RPTOR: variants seen among roughly 807,000 people sequenced by gnomAD.
The protein encoded by RPTOR is regulatory-associated protein of mTOR.
Under a neutral mutation model 169.9 loss-of-function variants are expected in RPTOR, and 21 were observed. The observed-to-expected ratio is 0.12, with a 90% CI of 0.09 to 0.18. The LOEUF (loss-of-function observed/expected upper bound fraction) is 0.18, where lower values mean the gene tolerates loss of function less well. Ranked by LOEUF, RPTOR falls within the 10% of genes least tolerant of loss-of-function variation. RPTOR has a pLI of 1.00. For missense variants in RPTOR, 1,133 were observed against 1,855.9 expected, an observed-to-expected ratio of 0.61 and a Z score of 7.16; for synonymous variants, 732 against 753.2, an observed-to-expected ratio of 0.97 and a Z score of 0.46.
intron 6 of RPTOR, among the ~76,000 whole-genome samples, chr17:80,785,527 A>G (rs1482534855): frequency 6.6e-6 from 1 of 152,158 alleles, no homozygotes; most frequent in Non-Finnish European, 1.5e-5. Context: ...CAGGTTCCCG[A>G]CTGGTGAGTG....
intron 2 of RPTOR, among the ~76,000 whole-genome samples, chr17:80,634,377 T>TGTGCATACTGTGTGC (rs1166458683): frequency 7.7e-6 from 1 of 129,252 alleles, no homozygotes; most frequent in Non-Finnish European, 1.7e-5. Flanking sequence ...ATACTGTGTG[T>TGTGCATACTGTGTGC]GTGCATACTG....
intron 5 of RPTOR, among the ~76,000 whole-genome samples, chr17:80,745,460 G>C (rs11868266): frequency 0.25 from 37,868 of 152,056 alleles, 4,795 homozygotes; most frequent in South Asian, 0.28. Context: ...GCGCAACTTG[G>C]TTTTTAAATT....
intron 6 of RPTOR, among the ~76,000 whole-genome samples, chr17:80,777,666 C>T (rs575012608): frequency 6.6e-6 from 1 of 152,048 alleles, no homozygotes; most frequent in Non-Finnish European, 1.5e-5. Flanking sequence ...GTTTAAGAAG[C>T]CGTTGCTTAA....
intron 13 of RPTOR, among the ~76,000 whole-genome samples, chr17:80,864,290 T>TCACAGA (rs1567955966): frequency 4.1e-5 from 6 of 145,526 alleles, no homozygotes; most frequent in South Asian, 2.2e-4. Context: ...AGGTTTCTTC[T>TCACAGA]TACAGATTTC....
intron 4 of RPTOR, among the ~76,000 whole-genome samples, chr17:80,710,268 T>TA (rs1384252238): frequency 5.3e-5 from 8 of 152,192 alleles, no homozygotes; most frequent in Non-Finnish European, 8.8e-5. Flanking sequence ...GTGCTGGGAT[T>TA]ACAGCGTGAG....
intron 1 of RPTOR, among the ~76,000 whole-genome samples, chr17:80,595,864 T>C (rs1301239863): frequency 6.6e-6 from 1 of 152,172 alleles, no homozygotes; most frequent in Non-Finnish European, 1.5e-5. Context: ...ATTCTTCTTA[T>C]AGGAGTCTTG....
intron 9 of RPTOR, among the ~76,000 whole-genome samples, chr17:80,825,793 C>A: frequency 6.6e-6 from 1 of 152,234 alleles, no homozygotes; most frequent in East Asian, 1.9e-4. Context: ...CTAATGTGCG[C>A]CTTTAGTGAT....
chr17:80,922,824 C>A lies in RPTOR; in HGVS notation c.2621C>A (p.Ala874Glu). 1 of 1,564,322 alleles carries A rather than the reference C, an allele frequency of 6.4e-7. No homozygotes were observed. The highest frequency in any genetic ancestry group is 2.4e-5 in the East Asian group (1 of 42,078). Residue 874 changes from alanine (A) to glutamate (E), a missense_variant, in exon 22 of 34, where the codon GCG becomes GAG. This residue lies in a region of RPTOR where 123 missense variants were observed against 129.0 expected (regional missense o/e 0.95). Transcript: ENST00000306801. ...PTNKGVHIHQ[A>E]GGSPPASSTS... The stretch of plus-strand genomic sequence containing the variant: ...AACAAGGGCGTGCACATCCACCAGG[C>A]GGGGTAAGTGCCGCCCGCTCAGCCT...
At position 80,754,351 on chromosome 17, in the gene RPTOR, G is replaced by A. The variant is rs1346598611; in HGVS notation, c.830+166G>A. Among the ~76,000 whole-genome samples, 2 of 152,126 alleles carry A rather than the reference G, an allele frequency of 1.3e-5. No homozygotes were observed. The highest frequency in any genetic ancestry group is 2.9e-5 in the Non-Finnish European group (2 of 68,026). On this transcript the variant is annotated intron_variant, in intron 6 of 33. Transcript: ENST00000306801. The surrounding 1 kb of genome is among the most constrained non-coding windows in gnomAD (Gnocchi z 4.2). Reference sequence around the variant, plus strand: ...CATTCGGGATTCCAGGTGGAGGTTTGGGTTCTACTCTTTGAGAGCTCAAGA... The same window carrying A: ...CATTCGGGATTCCAGGTGGAGGTTTAGGTTCTACTCTTTGAGAGCTCAAGA...
intron 3 of RPTOR, among the ~76,000 whole-genome samples, chr17:80,701,510 C>G: frequency 6.6e-6 from 1 of 152,130 alleles, no homozygotes; most frequent in Non-Finnish European, 1.5e-5. Context: ...CCTAAAGGTC[C>G]CTCCTACCAA....
intron 6 of RPTOR, among the ~76,000 whole-genome samples, chr17:80,763,115 T>C (rs747166101): frequency 2.0e-5 from 3 of 152,054 alleles, no homozygotes; most frequent in Admixed American, 6.6e-5. Context: ...ACATGGTGGC[T>C]TATGCCTGTG....
At chr17:80,753,016 A>G (rs1412856054) in intron 5 of RPTOR, among the ~76,000 whole-genome samples, 2 of 152,192 alleles carry the variant, frequency 1.3e-5, no homozygotes, top group Non-Finnish European at 2.9e-5. Context: ...CGGCATTACT[A>G]TCCCTACTTT....
chr17:80,801,902 G>A (rs1028459988), intron 7 of RPTOR: 3 of 152,228 alleles, frequency 2.0e-5, no homozygotes, highest in African/African-American at 7.2e-5. Flanking sequence ...GCGTTCCCGT[G>A]CGCGCCACGC....
rs113049232 is a variant in RPTOR, at chr17:80,655,309, G to C, written c.348+11499G>C. Among the ~76,000 whole-genome samples, 1,327 of 152,268 alleles carry C rather than the reference G, an allele frequency of 8.7e-3. 25 individuals carry two copies. Among genetic ancestry groups the C allele is most frequent in the African/African-American group, 0.03 (1,260 of 41,554 alleles). On this transcript the variant is annotated intron_variant, in intron 3 of 33. Coordinates refer to ENST00000306801, the MANE Select transcript of RPTOR (RefSeq NM_020761.3). ...CTATGTTGGCCAGGCTGGCCTCAAAGTCCTGACCTCAAGTGATCTGCCTGC... is the reference window on the plus strand; with the variant it reads ...CTATGTTGGCCAGGCTGGCCTCAAACTCCTGACCTCAAGTGATCTGCCTGC...
intron 6 of RPTOR, among the ~76,000 whole-genome samples, chr17:80,776,012 T>G (rs1022101600): frequency 8.5e-5 from 12 of 141,370 alleles, no homozygotes; most frequent in South Asian, 2.5e-4. Context: ...TTGCAAGGAG[T>G]TTTTTCCTGT....
At chr17:80,831,042 A>G (rs1598337179) in intron 9 of RPTOR, among the ~76,000 whole-genome samples, 2 of 152,204 alleles carry the variant, frequency 1.3e-5, no homozygotes, top group East Asian at 3.9e-4. Flanking sequence ...CACCGCGCCC[A>G]ATAGGGAACA....
rs968519145 is a variant in RPTOR, at chr17:80,633,818, C to G, written c.265+8025C>G. On this transcript the variant is annotated intron_variant, in intron 2 of 33. Coordinates refer to ENST00000306801, the MANE Select transcript of RPTOR (RefSeq NM_020761.3). This position sits in a 1 kb window ranked among gnomAD's most constrained non-coding sequence, Gnocchi z 4.1. ...AGAATCCAGTGTTATCCTTTGGTGC[C>G]GAGCTTGTCTCCCTCTGGTTGTTGG... Among the ~76,000 whole-genome samples, 2 of 152,174 alleles carry G rather than the reference C, an allele frequency of 1.3e-5. No individual in the cohort carries two copies.
chr17:80,768,801 T>A (rs2066813734), intron 6 of RPTOR, among the ~76,000 whole-genome samples: 1 of 152,196 alleles, frequency 6.6e-6, no homozygotes, highest in African/African-American at 2.4e-5. Flanking sequence ...GCAGTTTGGC[T>A]TCTTGTTTGA....
chr17:80,626,009 GTGA>G lies in RPTOR; in HGVS notation c.265+221_265+223del, dbSNP rs370097013. ...GAGTGTTTCCAGAAAAATCAATACA[GTGA>G]TGATTATTGGCTTATATAATTTTCT... On this transcript the variant is annotated intron_variant, in intron 2 of 33. Coordinates refer to ENST00000306801, the MANE Select transcript of RPTOR (RefSeq NM_020761.3). 2.6e-3 allele frequency among the ~76,000 whole-genome samples: 393 copies of G among 152,294 alleles called. 2 individuals are homozygous for G. The highest frequency in any genetic ancestry group is 9.0e-3 in the African/African-American group (374 of 41,558).
Sources: allele counts gnomAD v4.1 joint callset (sites outside exome capture counted in the v4.1 genomes callset), GRCh38; gene constraint gnomAD v4.1.1; regional missense constraint gnomAD v4.1.1; non-coding constraint Gnocchi (gnomAD v3.1); transcripts MANE v1.5; gene names NCBI Gene and HGNC (gene_info 2026-07-23, HGNC 2026-07-21).